The following RBFOX1 variants were observed in gnomAD, a reference collection of about 807,000 sequenced individuals.
RBFOX1 encodes RNA binding fox-1 homolog 1, also known as RNA binding protein fox-1 homolog 1.
In RBFOX1, 8 loss-of-function variants were observed where a neutral mutation model predicts 57.7. The observed-to-expected ratio is 0.14, with a 90% confidence interval of 0.08 to 0.25. The LOEUF (loss-of-function observed/expected upper bound fraction) is 0.25, where lower values mean the gene tolerates loss of function less well. RBFOX1 is among the 10% of genes least tolerant of loss of function. RBFOX1 has a pLI of 1.00. For synonymous variants in RBFOX1, 326 were observed against 222.4 expected (o/e 1.47, Z -4.15); for missense variants, 611 against 548.5 (o/e 1.11, Z -1.14).
intron 3 of RBFOX1, among the ~76,000 whole-genome samples, chr16:5,845,322 C>A (rs1432003593): frequency 2.6e-5 from 4 of 152,166 alleles, no homozygotes; most frequent in African/African-American, 9.7e-5. Context: ...ACCAATTACC[C>A]AGCACTGGGA....
intron 6 of RBFOX1, among the ~76,000 whole-genome samples, chr16:7,586,276 A>G (rs2094120822): frequency 6.6e-6 from 1 of 152,186 alleles, no homozygotes; most frequent in Non-Finnish European, 1.5e-5. Flanking sequence ...AATGGCCACA[A>G]TACTTCATGT....
chr16:7,448,086 C>T (rs1434705420), intron 4 of RBFOX1, among the ~76,000 whole-genome samples: 2 of 152,224 alleles, frequency 1.3e-5, no homozygotes, highest in East Asian at 1.9e-4. Flanking sequence ...GAAAGCTACT[C>T]TTAAGATGCA....
chr16:6,570,156 A>C (rs2097325348), intron 2 of RBFOX1, among the ~76,000 whole-genome samples: 1 of 152,212 alleles, frequency 6.6e-6, no homozygotes, highest in Admixed American at 6.5e-5. Context: ...ATTTCGTTAT[A>C]TATTAGGAAA....
At chr16:6,332,613 A>G (rs906701065) in intron 2 of RBFOX1, among the ~76,000 whole-genome samples, 2 of 152,162 alleles carry the variant, frequency 1.3e-5, no homozygotes, top group African/African-American at 4.8e-5. Flanking sequence ...CTTCATACAC[A>G]CACATGCACA....
intron 3 of RBFOX1, among the ~76,000 whole-genome samples, chr16:5,762,922 C>T (rs1013081148): frequency 6.6e-6 from 1 of 152,154 alleles, no homozygotes; most frequent in African/African-American, 2.4e-5. Context: ...GAAGGATATA[C>T]AGCAATATGT....
At chr16:5,667,038 G>A (rs1475929251) in intron 3 of RBFOX1, among the ~76,000 whole-genome samples, 11 of 152,198 alleles carry the variant, frequency 7.2e-5, no homozygotes, top group Admixed American at 7.2e-4. Context: ...TTCATTTGAG[G>A]TTGATAAGAT....
At chr16:6,819,116 A>G (rs1603628610) in intron 3 of RBFOX1, among the ~76,000 whole-genome samples, 1 of 152,106 alleles carries the variant, frequency 6.6e-6, no homozygotes, top group African/African-American at 2.4e-5. Context: ...GGATCCAACA[A>G]TTTCCATGTG....
At chr16:6,804,914 G>T (rs1412667717) in intron 3 of RBFOX1, among the ~76,000 whole-genome samples, 1 of 152,126 alleles carries the variant, frequency 6.6e-6, no homozygotes, top group African/African-American at 2.4e-5. Context: ...CAAAAAGCGA[G>T]ATTCAAAGAC....
At chr16:5,860,122 G>C (rs918365619) in intron 3 of RBFOX1, among the ~76,000 whole-genome samples, 2 of 152,034 alleles carry the variant, frequency 1.3e-5, no homozygotes, top group African/African-American at 4.8e-5. Flanking sequence ...TCACTCTGTC[G>C]CCCAGGCTGG....
intron 5 of RBFOX1, among the ~76,000 whole-genome samples, chr16:7,574,768 A>G (rs1018007013): frequency 6.6e-6 from 1 of 152,074 alleles, no homozygotes; most frequent in East Asian, 1.9e-4. Context: ...GCATCCTTCA[A>G]TCCAATCAAG....
chr16:7,145,367 G>T (rs1403704582), intron 4 of RBFOX1, among the ~76,000 whole-genome samples: 2 of 152,016 alleles, frequency 1.3e-5, no homozygotes, highest in Admixed American at 1.3e-4. Context: ...ACCACATCTG[G>T]TTCATTTTTT....
intron 1 of RBFOX1, among the ~76,000 whole-genome samples, chr16:6,059,706 C>G (rs2095659280): frequency 6.6e-6 from 1 of 152,040 alleles, no homozygotes; most frequent in African/African-American, 2.4e-5. Flanking sequence ...CTTTGTTTTA[C>G]TTTTAGAAGC....
intron 4 of RBFOX1, among the ~76,000 whole-genome samples, chr16:7,192,846 C>T (rs181394772): frequency 1.5e-4 from 23 of 152,284 alleles, no homozygotes; most frequent in East Asian, 7.7e-4. Flanking sequence ...CACACTAATA[C>T]GGAAGATGAA....
intron 4 of RBFOX1, among the ~76,000 whole-genome samples, chr16:5,984,944 C>A (rs1328948571): frequency 9.7e-6 from 1 of 103,028 alleles, no homozygotes; most frequent in African/African-American, 4.4e-5. Context: ...AGGGCAACTC[C>A]ATTATATATA....
At chr16:6,654,998 A>T (rs111403603) in intron 3 of RBFOX1, among the ~76,000 whole-genome samples, 1 of 119,982 alleles carries the variant, frequency 8.3e-6, no homozygotes, top group East Asian at 2.4e-4. Flanking sequence ...TGTATAATTA[A>T]TTATATTATT....
intron 3 of RBFOX1, among the ~76,000 whole-genome samples, chr16:5,858,350 G>T (rs1272999277): frequency 2.0e-5 from 3 of 152,146 alleles, no homozygotes; most frequent in Admixed American, 6.5e-5. Context: ...TCTACCATGT[G>T]TCAGGGTGAC....
At chr16:7,176,183 T>A (rs1022183830) in intron 4 of RBFOX1, among the ~76,000 whole-genome samples, 2 of 122,356 alleles carry the variant, frequency 1.6e-5, no homozygotes, top group Non-Finnish European at 3.4e-5. Context: ...CTTAACTGTG[T>A]TAGCTTTGGT....
At chr16:6,631,707 C>G (rs768981330) in intron 2 of RBFOX1, among the ~76,000 whole-genome samples, 15 of 152,010 alleles carry the variant, frequency 9.9e-5, no homozygotes, top group Non-Finnish European at 1.6e-4. Context: ...TAAAGCATTG[C>G]TGGCTGGGGG....
chr16:5,651,034 C>G (rs969341006), intron 3 of RBFOX1, among the ~76,000 whole-genome samples: 1 of 107,618 alleles, frequency 9.3e-6, no homozygotes, highest in East Asian at 3.6e-4. Context: ...AGAACACTAC[C>G]TCCTTCTTTT....
Sources: gnomAD v4.1 joint callset for allele counts (sites outside exome capture counted in the v4.1 genomes callset) on GRCh38, gnomAD v4.1.1 for gene constraint, MANE v1.5 for transcripts, NCBI Gene and HGNC (gene_info 2026-07-23, HGNC 2026-07-21) for gene names.